Variants in STK4 observed in about 807,000 individuals in gnomAD.
STK4 encodes the protein serine/threonine-protein kinase 4.
A neutral mutation model predicts 64.9 loss-of-function variants in STK4; 30 were observed. The ratio of observed to expected loss-of-function variants is 0.46; its 90% CI spans 0.35 to 0.63. STK4 has a LOEUF of 0.63. Among genes scored for constraint, STK4 ranks in the 20% least tolerant of loss-of-function variants. STK4 has a pLI of 0.01. For missense variants in STK4, 466 were observed against 598.5 expected (o/e 0.78, Z 2.31); for synonymous variants, 177 against 199.0 (o/e 0.89, Z 0.93).
At chr20:45,058,483 A>G (rs1271138058) in intron 10 of STK4, among the ~76,000 whole-genome samples, 1 of 152,014 alleles carries the variant, frequency 6.6e-6, no homozygotes, top group Admixed American at 6.5e-5. Flanking sequence ...TTTTTCTTTT[A>G]TGTGTTTAAA....
At chr20:45,023,693 C>G (rs542980549) in intron 9 of STK4, among the ~76,000 whole-genome samples, 1 of 152,116 alleles carries the variant, frequency 6.6e-6, no homozygotes, top group South Asian at 2.1e-4. Flanking sequence ...GCTCTTGTTA[C>G]TAATAACTAA....
intron 10 of STK4, among the ~76,000 whole-genome samples, chr20:45,030,140 G>A (rs901568540): frequency 6.9e-6 from 1 of 144,600 alleles, no homozygotes; most frequent in African/African-American, 2.6e-5. Context: ...GTCTCACTCT[G>A]TTGCTCAGGC....
chr20:45,007,823 A>G, intron 9 of STK4: 1 of 420,134 alleles, frequency 2.4e-6, no homozygotes, highest in Non-Finnish European at 4.7e-6. Flanking sequence ...TGATGCATAA[A>G]TATATTATAC....
chr20:45,025,978 A>G (rs959109962), intron 10 of STK4, among the ~76,000 whole-genome samples: 9 of 152,206 alleles, frequency 5.9e-5, no homozygotes, highest in Non-Finnish European at 1.2e-4. Flanking sequence ...AATGGCAGGA[A>G]TATCACAGTT....
At chr20:44,971,665 C>CTTTT (rs71197585) in intron 1 of STK4, among the ~76,000 whole-genome samples, 57 of 90,366 alleles carry the variant, frequency 6.3e-4, no homozygotes, top group African/African-American at 7.4e-4. Flanking sequence ...AGCCACATGA[C>CTTTT]TTTTTTTTTT....
intron 10 of STK4, among the ~76,000 whole-genome samples, chr20:45,042,704 G>A (rs193214490): frequency 6.6e-6 from 1 of 152,154 alleles, no homozygotes; most frequent in East Asian, 1.9e-4. Flanking sequence ...GATTTCTAAT[G>A]GACAGTGTAG....
At chr20:45,002,507 A>T (rs1328777584) in intron 9 of STK4, among the ~76,000 whole-genome samples, 8 of 152,172 alleles carry the variant, frequency 5.3e-5, no homozygotes, top group Admixed American at 5.2e-4. Context: ...TTGTTCACAG[A>T]CAGTCTGTTG....
At chr20:45,065,328 A>C (rs940906836) in intron 10 of STK4, among the ~76,000 whole-genome samples, 1 of 152,010 alleles carries the variant, frequency 6.6e-6, no homozygotes, top group Non-Finnish European at 1.5e-5. Context: ...TAACCTTTTT[A>C]TGTGCCGCTG....
In STK4 at chr20:45,037,754, G is replaced by A. The variant is rs138974869; in HGVS notation, c.1305+12624G>A. Among the ~76,000 whole-genome samples the A allele has an allele frequency of 1.6e-4, 24 of 152,074 alleles. 3 individuals are homozygous for A. The East Asian group carries it at 4.6e-3, about 29-fold the overall frequency. On this transcript the variant is annotated intron_variant, in intron 10 of 10. Coordinates refer to ENST00000372806, the MANE Select transcript of STK4 (RefSeq NM_006282.5). ...CTGATTGTAAGTTGAGATTTCTTTG[G>A]GTTTTTACAAAGAAGCTTTACTGAA...
intron 9 of STK4, among the ~76,000 whole-genome samples, chr20:45,005,677 A>T (rs926514042): frequency 6.7e-6 from 1 of 150,194 alleles, no homozygotes; most frequent in East Asian, 1.9e-4. Flanking sequence ...ACAAAACGTT[A>T]GCTACTATAA....
chr20:45,032,019 C>T (rs898638906), intron 10 of STK4, among the ~76,000 whole-genome samples: 1 of 151,686 alleles, frequency 6.6e-6, no homozygotes, highest in African/African-American at 2.4e-5. Flanking sequence ...AGATGTAAGT[C>T]ATGCACCTAT....
chr20:44,972,197 A>G, intron 2 of STK4, 39 bp downstream of exon 2: 2 of 1,564,590 alleles, frequency 1.3e-6, no homozygotes, highest in Middle Eastern at 1.7e-4. Flanking sequence ...ATTGGGTCCC[A>G]GTCTTTTTCC....
intron 10 of STK4, among the ~76,000 whole-genome samples, chr20:45,028,053 T>C (rs2068382689): frequency 1.3e-5 from 2 of 152,248 alleles, no homozygotes; most frequent in African/African-American, 4.8e-5. Context: ...CTATTGTGAA[T>C]AGTGTTGCAA....
chr20:45,059,080 A>T (rs953524269), intron 10 of STK4, among the ~76,000 whole-genome samples: 3 of 152,038 alleles, frequency 2.0e-5, no homozygotes, highest in Non-Finnish European at 4.4e-5. Context: ...ATAGTACTGA[A>T]CCCCATTGCC....
At chr20:45,005,177 T>G (rs2067916143) in intron 9 of STK4, among the ~76,000 whole-genome samples, 1 of 152,192 alleles carries the variant, frequency 6.6e-6, no homozygotes, top group Non-Finnish European at 1.5e-5. Context: ...GCAAAGTGTA[T>G]GCATAAGTAT....
At chr20:44,967,251 T>C (rs1294199782) in intron 1 of STK4, 1 of 984,264 alleles carries the variant, frequency 1.0e-6, no homozygotes, top group Non-Finnish European at 1.2e-6. Context: ...TCCTCAGCTC[T>C]TCAGAACCTG....
At chr20:45,053,878 G>C (rs895333764) in intron 10 of STK4, among the ~76,000 whole-genome samples, 3 of 151,998 alleles carry the variant, frequency 2.0e-5, no homozygotes, top group African/African-American at 7.3e-5. Flanking sequence ...TCAAAGCTGT[G>C]TGTAAAGATA....
chr20:44,972,424 G>C (rs190311961), intron 2 of STK4: 204 of 280,056 alleles, frequency 7.3e-4, no homozygotes, highest in Admixed American at 1.8e-3. Context: ...GCACTAATTA[G>C]ATTAAAATTC....
intron 3 of STK4, among the ~76,000 whole-genome samples, chr20:44,980,880 G>A (rs2067425869): frequency 6.6e-6 from 1 of 152,110 alleles, no homozygotes; most frequent in Non-Finnish European, 1.5e-5. Flanking sequence ...ATGTTAGCCA[G>A]GATGGTCTCG....
Sources: gnomAD v4.1 joint callset for allele counts (sites outside exome capture counted in the v4.1 genomes callset) on GRCh38, gnomAD v4.1.1 for gene constraint, MANE v1.5 for transcripts, NCBI Gene and HGNC (gene_info 2026-07-23, HGNC 2026-07-21) for gene names.